Variants in TLN2 observed in about 807,000 individuals in gnomAD.
The protein encoded by TLN2 is talin 2.
Under a neutral mutation model 294.7 loss-of-function variants are expected in TLN2, and 118 were observed. That is an observed-to-expected ratio of 0.40 (90% confidence interval 0.34 to 0.47). The LOEUF (loss-of-function observed/expected upper bound fraction) is 0.47, where lower values mean the gene tolerates loss of function less well. TLN2 is among the 20% of genes least tolerant of loss of function. The pLI is 0.84. For missense variants in TLN2, 3,083 were observed against 3,282.2 expected, an observed-to-expected ratio of 0.94 and a Z score of 1.48; for synonymous variants, 1,431 against 1,304.5, an observed-to-expected ratio of 1.10 and a Z score of -2.09.
intron 1 of TLN2, among the ~76,000 whole-genome samples, chr15:62,582,335 T>C (rs2045199972): frequency 3.3e-5 from 5 of 152,228 alleles, no homozygotes; most frequent in Admixed American, 3.3e-4. Context: ...GGAGTCACTA[T>C]TTTTCAGTCA....
At chr15:62,804,963 A>G (rs1425724601) in intron 50 of TLN2, among the ~76,000 whole-genome samples, 4 of 152,132 alleles carry the variant, frequency 2.6e-5, no homozygotes, top group Non-Finnish European at 5.9e-5. Context: ...GAAATGGGAT[A>G]TTGACTTACC....
intron 1 of TLN2, among the ~76,000 whole-genome samples, chr15:62,585,779 G>C (rs748106391): frequency 6.6e-6 from 1 of 152,100 alleles, no homozygotes; most frequent in East Asian, 1.9e-4. Context: ...TTCATAATAG[G>C]CATTTTAAAC....
intron 3 of TLN2, among the ~76,000 whole-genome samples, chr15:62,630,532 A>G (rs1459521134): frequency 6.6e-6 from 1 of 152,220 alleles, no homozygotes; most frequent in African/African-American, 2.4e-5. Context: ...TCACAGAGGA[A>G]GGTCTGTGAG....
intron 3 of TLN2, among the ~76,000 whole-genome samples, chr15:62,620,606 A>G (rs1429157717): frequency 2.0e-5 from 3 of 151,400 alleles, no homozygotes; most frequent in African/African-American, 7.3e-5. Context: ...AGCCTCCCTA[A>G]TAGCGGGCAC....
At chr15:62,825,437 G>C (rs1402248090) in intron 54 of TLN2, among the ~76,000 whole-genome samples, 1 of 151,882 alleles carries the variant, frequency 6.6e-6, no homozygotes, top group Non-Finnish European at 1.5e-5. Flanking sequence ...ATATGGTGAA[G>C]GGAAAAAGGA....
At position 62,693,340 on chromosome 15, in the gene TLN2, A is replaced by C. The variant is rs114598438; in HGVS notation, c.1215+399A>C. 9.7e-3 allele frequency among the ~76,000 whole-genome samples: 1,473 copies of C among 152,316 alleles called. 34 individuals are homozygous for C. Among genetic ancestry groups the C allele is most frequent in the African/African-American group, 0.033 (1,379 of 41,566 alleles). The stretch of plus-strand genomic sequence containing the variant: ...GAGCGAGATTCCATCTCAAAAAAAA[A>C]CAACAAAACTTGATTTACTAATTTA... On this transcript the variant is annotated intron_variant, in intron 13 of 58. Coordinates refer to ENST00000636159, the MANE Select transcript of TLN2 (RefSeq NM_015059.3).
chr15:62,528,015 G>A (rs1459303127), intron 1 of TLN2, among the ~76,000 whole-genome samples: 1 of 152,112 alleles, frequency 6.6e-6, no homozygotes, highest in Non-Finnish European at 1.5e-5. Context: ...TTACCCTGGA[G>A]ATAACCACTG....
intron 28 of TLN2, among the ~76,000 whole-genome samples, chr15:62,736,270 A>G (rs2061004991): frequency 6.6e-6 from 1 of 151,872 alleles, no homozygotes; most frequent in African/African-American, 2.4e-5. Flanking sequence ...CAGTGAGCCA[A>G]GATCGCGCCA....
intron 9 of TLN2, among the ~76,000 whole-genome samples, chr15:62,664,777 G>A (rs1217502219): frequency 4.7e-5 from 7 of 148,240 alleles, no homozygotes; most frequent in Admixed American, 3.4e-4. Flanking sequence ...AGAATCACTT[G>A]AACCTGGGAG....
intron 33 of TLN2, among the ~76,000 whole-genome samples, chr15:62,749,522 G>A (rs756740736): frequency 1.3e-5 from 2 of 152,122 alleles, no homozygotes; most frequent in Non-Finnish European, 2.9e-5. Context: ...GGAGTGGGAG[G>A]AGGTTCTTGA....
At chr15:62,398,298 C>G (rs570408846) in intron 1 of TLN2, among the ~76,000 whole-genome samples, 1 of 152,244 alleles carries the variant, frequency 6.6e-6, no homozygotes, top group South Asian at 2.1e-4. Context: ...GTTTGCTTTC[C>G]CTTCCACCAT....
intron 9 of TLN2, among the ~76,000 whole-genome samples, chr15:62,660,835 C>T (rs2140968981): frequency 6.6e-6 from 1 of 152,254 alleles, no homozygotes; most frequent in Middle Eastern, 3.4e-3. Context: ...AATCTACAGT[C>T]TATGTGGCAG....
At chr15:62,646,177 T>C (rs1014691186) in intron 3 of TLN2, among the ~76,000 whole-genome samples, 1 of 152,100 alleles carries the variant, frequency 6.6e-6, no homozygotes, top group Admixed American at 6.6e-5. Flanking sequence ...TTCTTTTTTT[T>C]TTTGAGACAG....
At chr15:62,460,488 C>G (rs2140339203) in intron 1 of TLN2, among the ~76,000 whole-genome samples, 1 of 152,104 alleles carries the variant, frequency 6.6e-6, no homozygotes, top group East Asian at 1.9e-4. Flanking sequence ...GTCTCAAACT[C>G]CCAACCTCAG....
At chr15:62,701,891 G>A (rs898743394) in intron 17 of TLN2, 101 bp from the exon 18 acceptor site, 1 of 1,339,438 alleles carries the variant, frequency 7.5e-7, no homozygotes, top group Non-Finnish European at 1.0e-6. Context: ...TCTGACTCCT[G>A]CAGGATGGTA....
At chr15:62,564,447 A>C (rs1459279270) in intron 1 of TLN2, among the ~76,000 whole-genome samples, 1 of 152,192 alleles carries the variant, frequency 6.6e-6, no homozygotes, top group Non-Finnish European at 1.5e-5. Flanking sequence ...GCAAAGTGGG[A>C]AGATTTCAGA....
At chr15:62,558,292 A>G (rs1567096277) in intron 1 of TLN2, among the ~76,000 whole-genome samples, 1 of 152,142 alleles carries the variant, frequency 6.6e-6, no homozygotes, top group Non-Finnish European at 1.5e-5. Context: ...AGGATTTCGA[A>G]TGTGTAGGCA....
intron 1 of TLN2, among the ~76,000 whole-genome samples, chr15:62,533,588 T>C (rs981404851): frequency 1.3e-5 from 2 of 152,182 alleles, no homozygotes; most frequent in African/African-American, 4.8e-5. Context: ...TTAGCTGCTT[T>C]TTGTTCTGAG....
At chr15:62,392,287 T>C (rs1035067610) in intron 1 of TLN2, among the ~76,000 whole-genome samples, 4 of 152,212 alleles carry the variant, frequency 2.6e-5, no homozygotes, top group African/African-American at 9.6e-5. Context: ...TCTGGTTCTT[T>C]CCAGAAGATG....
Sources: gnomAD v4.1 joint callset for allele counts (sites outside exome capture counted in the v4.1 genomes callset) on GRCh38, gnomAD v4.1.1 for gene constraint, MANE v1.5 for transcripts, NCBI Gene and HGNC (gene_info 2026-07-23, HGNC 2026-07-21) for gene names.